The following SCN8A variants were observed in gnomAD, a reference collection of about 807,000 sequenced individuals.
SCN8A encodes the protein sodium voltage-gated channel alpha subunit 8.
Under a neutral mutation model 184.1 loss-of-function variants are expected in SCN8A, and 30 were observed. That is an observed-to-expected ratio of 0.16 (90% CI 0.12 to 0.22). The LOEUF is 0.22. Among genes scored for constraint, SCN8A ranks in the 10% least tolerant of loss-of-function variants. The pLI is 1.00. For missense variants in SCN8A, 1,057 were observed against 2,498.9 expected, an observed-to-expected ratio of 0.42 and a Z score of 12.30; for synonymous variants, 852 against 907.0, an observed-to-expected ratio of 0.94 and a Z score of 1.09.
chr12:51,695,625 T>C (rs1941580206), intron 6 of SCN8A, among the ~76,000 whole-genome samples: 1 of 152,174 alleles, frequency 6.6e-6, no homozygotes, highest in Non-Finnish European at 1.5e-5. Flanking sequence ...AGGAAGTACT[T>C]TGTCTCCATC....
At position 51,807,196 on chromosome 12, in the gene SCN8A, C is replaced by T. The variant is rs367984544; in HGVS notation, c.5710C>T (p.Arg1904Cys). ...GGAGGTATCTGCAGTGGTCCTGCAG[C>T]GTGCCTACCGGGGACATTTGGCAAG... Reference protein sequence around the residue: ...QEEVSAVVLQRAYRGHLARRG... With the variant: ...QEEVSAVVLQCAYRGHLARRG... Residue 1904 changes from arginine (R) to cysteine (C), a missense_variant, in exon 27 of 27, where the codon CGT (arginine) becomes TGT (cysteine). Around this residue, in one of 19 missense-constraint regions of SCN8A, gnomAD observed 95 missense variants for 140.2 expected, o/e 0.68. Transcript: ENST00000627620. The surrounding 1 kb of genome is among the most constrained non-coding windows in gnomAD (Gnocchi z 4.5). The T allele has an allele frequency of 8.1e-6, 13 of 1,613,826 alleles. No individual in the cohort carries two copies. The highest frequency in any genetic ancestry group is 3.3e-5 in the Admixed American group (2 of 60,008).
intron 1 of SCN8A, among the ~76,000 whole-genome samples, chr12:51,641,727 G>A (rs1332847776): frequency 1.9e-4 from 29 of 152,254 alleles, no homozygotes; most frequent in Admixed American, 1.9e-3. Context: ...GAAAGGCAGT[G>A]TGTTATAGAA....
intron 14 of SCN8A, among the ~76,000 whole-genome samples, chr12:51,756,665 G>A (rs1384830935): frequency 6.6e-6 from 1 of 152,146 alleles, no homozygotes; most frequent in African/African-American, 2.4e-5. Flanking sequence ...TGGCCCACAG[G>A]CTCAGACAGC....
intron 1 of SCN8A, among the ~76,000 whole-genome samples, chr12:51,661,767 T>G (rs1020236610): frequency 2.6e-5 from 4 of 152,246 alleles, no homozygotes; most frequent in Non-Finnish European, 4.4e-5. Context: ...TGCTTGAAAC[T>G]GAATACTGCT....
At chr12:51,745,310 C>A (rs1379746832) in intron 12 of SCN8A, among the ~76,000 whole-genome samples, 1 of 152,144 alleles carries the variant, frequency 6.6e-6, no homozygotes, top group Non-Finnish European at 1.5e-5. Flanking sequence ...CCTTTCTGTA[C>A]TTTCTTACAA....
chr12:51,599,824 G>A (rs1352496194), intron 1 of SCN8A, among the ~76,000 whole-genome samples: 1 of 152,190 alleles, frequency 6.6e-6, no homozygotes, highest in East Asian at 1.9e-4. Flanking sequence ...TTACATGAAT[G>A]TGTGTGTTTA....
At chr12:51,780,597 TTTTTTTTG>T in intron 20 of SCN8A, 44 bp from the exon 21 acceptor site, 2 of 371,536 alleles carry the variant, frequency 5.4e-6, no homozygotes, top group Non-Finnish European at 9.0e-6. Context: ...TTTTTTTTTT[TTTTTTTTG>T]GTTACCTTTT....
chr12:51,699,024 A>G (rs10783472), intron 6 of SCN8A, among the ~76,000 whole-genome samples: 135,100 of 152,286 alleles, frequency 0.89, 60,147 homozygotes, highest in East Asian at 0.97. Flanking sequence ...CAAGGTAGAT[A>G]TAAAAAATCA....
intron 12 of SCN8A, among the ~76,000 whole-genome samples, chr12:51,741,238 T>C (rs1294147008): frequency 6.6e-6 from 1 of 152,266 alleles, no homozygotes. Context: ...CTTATAATTT[T>C]TGTCTTAAAA....
At chr12:51,739,272 C>T (rs1169782282) in intron 12 of SCN8A, among the ~76,000 whole-genome samples, 1 of 152,078 alleles carries the variant, frequency 6.6e-6, no homozygotes, top group Non-Finnish European at 1.5e-5. Context: ...ACCGCCAAAC[C>T]TCTAAATCAC....
intron 26 of SCN8A, among the ~76,000 whole-genome samples, chr12:51,796,249 T>C (rs531489530): frequency 4.0e-4 from 61 of 152,032 alleles, no homozygotes; most frequent in Non-Finnish European, 7.4e-4. Flanking sequence ...CACAGAGAGG[T>C]TCCCAAGACA....
At chr12:51,608,021 C>CTTTTTTT (rs749172465) in intron 1 of SCN8A, among the ~76,000 whole-genome samples, 21 of 133,462 alleles carry the variant, frequency 1.6e-4, no homozygotes, top group African/African-American at 5.8e-4. Context: ...TTTCTTTTTC[C>CTTTTTTT]TTTTTTTTTT....
At chr12:51,758,396 G>A (rs906554585) in intron 14 of SCN8A, among the ~76,000 whole-genome samples, 6 of 152,136 alleles carry the variant, frequency 3.9e-5, no homozygotes, top group South Asian at 2.1e-4. Flanking sequence ...GGCATTGTTC[G>A]ACATTTTGCA....
chr12:51,776,626 C>A (rs1937706564), intron 20 of SCN8A, among the ~76,000 whole-genome samples: 1 of 152,242 alleles, frequency 6.6e-6, no homozygotes, highest in Admixed American at 6.5e-5. Flanking sequence ...ATTCCCAGGC[C>A]ATCACAGTGG....
In SCN8A at chr12:51,806,568, C is replaced by T. The variant is rs1367696624; in HGVS notation, c.5082C>T (p.Ser1694=). The T allele has an allele frequency of 1.2e-6, 2 of 1,614,082 alleles. No individual in the cohort carries two copies. Among genetic ancestry groups the T allele is most frequent in the Non-Finnish European group, 1.7e-6 (2 of 1,180,048 alleles). The stretch of plus-strand genomic sequence containing the variant: ...TCAACTTTGAGACATTTGGCAACAG[C>T]ATGATCTGCCTGTTTCAAATCACAA... ...DMFNFETFGN[S]MICLFQITTS... Residue 1694 remains serine, a synonymous_variant, in exon 27 of 27, where the codon AGC becomes AGT. Coordinates refer to ENST00000627620, the MANE Select transcript of SCN8A (RefSeq NM_001330260.2). This position sits in a 1 kb window ranked among gnomAD's most constrained non-coding sequence, Gnocchi z 8.7.
At position 51,706,691 on chromosome 12, in the gene SCN8A, G is replaced by A. The variant is rs774383541; in HGVS notation, c.1611G>A (p.Gly537=). ...TTCGGCTGCCAGACAACAGAATAGG[G>A]AGGAAATTTTCCATCATGAATCAGG... ...KAFRLPDNRI[G]RKFSIMNQSL... The change falls in exon 11 of 27, where the codon GGG becomes GGA. Residue 537 remains glycine, a synonymous_variant. Coordinates refer to ENST00000627620, the MANE Select transcript of SCN8A (RefSeq NM_001330260.2). The A allele has an allele frequency of 3.7e-5, 57 of 1,551,054 alleles. No individual in the cohort carries two copies. Among genetic ancestry groups the A allele is most frequent in the Non-Finnish European group, 4.8e-5 (55 of 1,154,440 alleles).
chr12:51,629,389 T>A (rs190221023), intron 1 of SCN8A, among the ~76,000 whole-genome samples: 2 of 152,136 alleles, frequency 1.3e-5, no homozygotes, highest in Admixed American at 6.5e-5. Context: ...CCCTGGCCTC[T>A]ACCACTACTT....
chr12:51,751,524 A>G lies in SCN8A; in HGVS notation c.2301A>G (p.Thr767=), dbSNP rs1420981704. The change falls in exon 14 of 27, where the codon ACA becomes ACG. Residue 767 remains threonine, a synonymous_variant. Coordinates refer to ENST00000627620, the MANE Select transcript of SCN8A (RefSeq NM_001330260.2). ...TCACCATCTGCATCGTCCTGAATACACTGTTTATGGCAATGGAGCACCATC... is the reference window on the plus strand; with the variant it reads ...TCACCATCTGCATCGTCCTGAATACGCTGTTTATGGCAATGGAGCACCATC... ...LAITICIVLN[T]LFMAMEHHPM... 4.3e-6 allele frequency: 7 copies of G among 1,613,766 alleles called. No individual in the cohort carries two copies. Among genetic ancestry groups the G allele is most frequent in the Non-Finnish European group, 5.1e-6 (6 of 1,179,856 alleles).
chr12:51,691,763 T>C (rs1031497664), intron 6 of SCN8A, among the ~76,000 whole-genome samples: 1 of 152,214 alleles, frequency 6.6e-6, no homozygotes, highest in African/African-American at 2.4e-5. Flanking sequence ...TGGCTCTCAG[T>C]CTCAATCTTT....
Sources: gnomAD v4.1 joint callset for allele counts (sites outside exome capture counted in the v4.1 genomes callset) on GRCh38, gnomAD v4.1.1 for gene constraint, gnomAD v4.1.1 regional missense constraint, Gnocchi (gnomAD v3.1) non-coding constraint, MANE v1.5 for transcripts, NCBI Gene and HGNC (gene_info 2026-07-23, HGNC 2026-07-21) for gene names.